The following CLEC20A variants were observed in gnomAD, a reference collection of about 807,000 sequenced individuals.
CLEC20A encodes putative C-type lectin domain family 20 member A.
At position 178,489,312 on chromosome 1, in the gene CLEC20A, G is replaced by GAGA. The variant is rs576605508; in HGVS notation, c.830-714_830-713insTCT. Among the ~76,000 whole-genome samples, 807 of 152,204 alleles carry GAGA rather than the reference G, an allele frequency of 5.3e-3. 8 individuals carry two copies. Among genetic ancestry groups the GAGA allele is most frequent in the African/African-American group, 0.018 (747 of 41,530 alleles). On this transcript the variant is annotated intron_variant, in intron 4 of 7. Transcript: ENST00000623247. ...CAGGAGGTGGAGGCTGCAGTGAGCT[G>GAGA]AGGACCACTGCACTCCAGCCTGGGC...
intron 5 of CLEC20A, 185 bp from the exon 6 acceptor site, chr1:178,483,467 C>CT: frequency 2.6e-6 from 1 of 388,842 alleles, no homozygotes; most frequent in Non-Finnish European, 4.5e-6. Flanking sequence ...CCTACAGGCT[C>CT]TTTTAACCCA....
At chr1:178,484,740 T>G (rs1649091045) in intron 5 of CLEC20A, 1 of 152,202 alleles carries the variant, frequency 6.6e-6, no homozygotes, top group Non-Finnish European at 1.5e-5. Flanking sequence ...AACTTTGCAT[T>G]TGTGTGATTC....
At chr1:178,482,249 A>G (rs1043439099) in intron 7 of CLEC20A, 63 bp downstream of exon 7, 4 of 398,276 alleles carry the variant, frequency 1.0e-5, no homozygotes, top group Non-Finnish European at 1.8e-5. Context: ...ATTGGTTTTT[A>G]TAAGATTGTC....
At chr1:178,494,929 G>A (rs913830145) in intron 1 of CLEC20A, 119 bp from the exon 2 acceptor site, 2 of 397,818 alleles carry the variant, frequency 5.0e-6, no homozygotes, top group East Asian at 3.6e-5. Flanking sequence ...TCTGCACTTC[G>A]CCGCTGGCCC....
At chr1:178,493,349 C>A (rs2473828) in intron 2 of CLEC20A, 13,140 of 152,582 alleles carry the variant, frequency 0.086, 645 homozygotes, top group South Asian at 0.13. Context: ...GCAGGCACCA[C>A]GTGGCCATGT....
rs571300635 is a variant in CLEC20A at position 178,484,920 on chromosome 1, C to A, written c.929-1638G>T. On this transcript the variant is annotated intron_variant, in intron 5 of 7. Transcript: ENST00000623247. ...CTGTGCAATATTCTTTCCCCACACA[C>A]ACGTTTCCTGTCTCTCCTTTTCTGA... Among the ~76,000 whole-genome samples, 40 of 152,272 alleles carry A rather than the reference C, an allele frequency of 2.6e-4. 1 individual carries two copies. Among genetic ancestry groups the A allele is most frequent in the Admixed American group, 1.8e-3 (28 of 15,306 alleles).
intron 7 of CLEC20A, 161 bp from the exon 8 acceptor site, chr1:178,479,776 A>G (rs912537612): frequency 2.6e-5 from 10 of 386,870 alleles, no homozygotes; most frequent in African/African-American, 2.1e-4. Flanking sequence ...GCATTTTACC[A>G]GTAGGAAAAT....
rs1397187 is a variant in CLEC20A at position 178,488,727 on chromosome 1, A to G, written c.830-128T>C. 3.0e-3 allele frequency: 1,202 copies of G among 396,838 alleles called. 7 individuals are homozygous for G. Among genetic ancestry groups the G allele is most frequent in the African/African-American group, 0.021 (1,038 of 48,730 alleles). 24.6% of individuals were successfully genotyped at this position (396,838 alleles called of 1,614,324 possible). ...TAGCCAAACTCAGGAGGGCGCAGTT[A>G]TTGTACATCTACCGTGTGCCAATCC... On this transcript the variant is annotated intron_variant, in intron 4 of 7. Coordinates refer to ENST00000623247, the Ensembl canonical transcript of CLEC20A.
At chr1:178,491,629 G>C (rs1467507336) in intron 3 of CLEC20A, among the ~76,000 whole-genome samples, 1 of 152,144 alleles carries the variant, frequency 6.6e-6, no homozygotes, top group South Asian at 2.1e-4. Context: ...CCATACTAGA[G>C]ATTCGAACAT....
intron 5 of CLEC20A, chr1:178,483,641 G>T (rs1375087964): frequency 1.2e-5 from 2 of 160,332 alleles, no homozygotes; most frequent in Non-Finnish European, 2.7e-5. Context: ...GCTACACAAA[G>T]CCCCCACCAT....
chr1:178,497,065 C>T (rs1364951802), upstream of CLEC20A: 1 of 398,642 alleles, frequency 2.5e-6, no homozygotes, highest in African/African-American at 2.1e-5. Flanking sequence ...TGTTTCCTCT[C>T]TTCCTCTTTG....
In CLEC20A at chr1:178,479,511, G is replaced by A. The variant is rs189125437; in HGVS notation, c.*24C>T. The stretch of plus-strand genomic sequence containing the variant: ...AATCCAGAGAAGATTGCATGAAACA[G>A]AAACTGCATATCCAAGAATTGTGCT... On this transcript the variant is annotated 3_prime_UTR_variant, in exon 8 of 8. Coordinates refer to ENST00000623247, the Ensembl canonical transcript of CLEC20A. 6.9e-4 allele frequency: 273 copies of A among 398,398 alleles called. 1 individual carries two copies. Among genetic ancestry groups the A allele is most frequent in the African/African-American group, 5.2e-3 (255 of 48,752 alleles). The allele number at this position is 398,398 out of a possible 1,614,324, so 24.7% of individuals were successfully genotyped here. A position where few individuals can be genotyped will look rare whatever the true frequency, so the allele number is the denominator to read the frequency against.
chr1:178,485,067 C>T (rs1253861229), intron 5 of CLEC20A, among the ~76,000 whole-genome samples: 1 of 152,202 alleles, frequency 6.6e-6, no homozygotes, highest in South Asian at 2.1e-4. Flanking sequence ...TTTTCATCCC[C>T]TGAATATAGT....
At chr1:178,482,919 G>T (rs59579244) in intron 6 of CLEC20A, 2 of 329,408 alleles carry the variant, frequency 6.1e-6, no homozygotes, top group Non-Finnish European at 1.1e-5. Flanking sequence ...TCACAACAAC[G>T]CTGTGATATA....
chr1:178,482,082 C>CAAAAAAAAAA (rs1297176109), intron 7 of CLEC20A: 3 of 354,174 alleles, frequency 8.5e-6, no homozygotes, highest in African/African-American at 7.7e-5. Flanking sequence ...AACAAAAAAA[C>CAAAAAAAAAA]AAAAAAACAA....
chr1:178,497,037 T>C (rs1649414859), upstream of CLEC20A: 2 of 398,806 alleles, frequency 5.0e-6, no homozygotes, highest in Non-Finnish European at 8.8e-6. Context: ...TCTGACCTTC[T>C]GGCCTTTCAT....
chr1:178,486,973 C>T (rs1649162808), intron 5 of CLEC20A: 1 of 395,956 alleles, frequency 2.5e-6, no homozygotes, highest in Non-Finnish European at 4.4e-6. Context: ...GTCGGGCTCG[C>T]GGGGCTCCGG....
intron 5 of CLEC20A, among the ~76,000 whole-genome samples, chr1:178,487,992 T>C (rs1205369621): frequency 6.6e-6 from 1 of 152,178 alleles, no homozygotes; most frequent in Non-Finnish European, 1.5e-5. Context: ...GCTGTCACTG[T>C]CCTTCCCAGC....
At chr1:178,488,164 C>T (rs944602441) in intron 5 of CLEC20A, among the ~76,000 whole-genome samples, 28 of 152,202 alleles carry the variant, frequency 1.8e-4, no homozygotes, top group African/African-American at 6.5e-4. Flanking sequence ...ATCTTCCCCT[C>T]CACCTCCCCC....
Sources: allele counts gnomAD v4.1 joint callset (sites outside exome capture counted in the v4.1 genomes callset), GRCh38; gene constraint gnomAD v4.1.1; transcripts MANE v1.5; gene names NCBI Gene and HGNC (gene_info 2026-07-23, HGNC 2026-07-21).